SMG6: variants seen among roughly 807,000 people sequenced by gnomAD.
SMG6 encodes the protein SMG6 nonsense mediated mRNA decay factor.
SMG6 carries 66 observed loss-of-function variants against 142.2 expected under a neutral mutation model. That is an observed-to-expected ratio of 0.46 (90% CI 0.38 to 0.57). The LOEUF is 0.57. Ranked by LOEUF, SMG6 falls within the 20% of genes least tolerant of loss-of-function variation. The pLI is 0.00. For synonymous variants in SMG6, 779 were observed against 702.4 expected (o/e 1.11, Z -1.72); for missense variants, 1,793 against 1,832.0 (o/e 0.98, Z 0.39).
In SMG6 at chr17:2,180,807, G is replaced by A. The variant is rs958317589; in HGVS notation, c.3155+5856C>T. 4.6e-5 allele frequency among the ~76,000 whole-genome samples: 7 copies of A among 152,324 alleles called. No homozygotes were observed. The East Asian group carries it at 7.7e-4, about 17-fold the overall frequency. On this transcript the variant is annotated intron_variant, in intron 12 of 18. Coordinates refer to ENST00000263073, the MANE Select transcript of SMG6 (RefSeq NM_017575.5). ...GGACCATTTGGAAGTGGGGTTTCTGGAGGAAAAGCAAAGGAGACTTCCTCT... is the reference window on the plus strand; with the variant it reads ...GGACCATTTGGAAGTGGGGTTTCTGAAGGAAAAGCAAAGGAGACTTCCTCT...
At chr17:2,079,598 C>T (rs1173406864) in intron 15 of SMG6, among the ~76,000 whole-genome samples, 3 of 149,238 alleles carry the variant, frequency 2.0e-5, no homozygotes, top group Admixed American at 2.0e-4. Context: ...ATCACGACAG[C>T]GAGACTCCAT....
intron 10 of SMG6, among the ~76,000 whole-genome samples, chr17:2,219,322 T>C (rs1597628939): frequency 6.6e-6 from 1 of 151,708 alleles, no homozygotes; most frequent in South Asian, 2.1e-4. Context: ...GAGGTGGAGG[T>C]TGCAGTGAGC....
intron 1 of SMG6, 85 bp downstream of exon 1, chr17:2,303,548 A>C (rs2075338039): frequency 2.2e-6 from 3 of 1,342,486 alleles, no homozygotes; most frequent in African/African-American, 3.1e-5. Flanking sequence ...TCCGGAGCCG[A>C]GGGCCGAGCG....
intron 13 of SMG6, among the ~76,000 whole-genome samples, chr17:2,107,183 G>C (rs2069178704): frequency 6.6e-6 from 1 of 152,150 alleles, no homozygotes; most frequent in Non-Finnish European, 1.5e-5. Context: ...ATAGGCATGT[G>C]AAGTTCCCTG....
At chr17:2,129,898 T>C (rs1395055760) in intron 13 of SMG6, among the ~76,000 whole-genome samples, 1 of 151,674 alleles carries the variant, frequency 6.6e-6, no homozygotes, top group East Asian at 1.9e-4. Flanking sequence ...GAATTTCTAT[T>C]ATTATGGTTA....
At chr17:2,180,930 C>T (rs1393541619) in intron 12 of SMG6, among the ~76,000 whole-genome samples, 5 of 152,096 alleles carry the variant, frequency 3.3e-5, no homozygotes, top group Non-Finnish European at 5.9e-5. Flanking sequence ...GAAAGCATGC[C>T]AAGAAGGGGC....
chr17:2,191,582 C>G (rs1037523581), intron 10 of SMG6, among the ~76,000 whole-genome samples: 4 of 152,292 alleles, frequency 2.6e-5, no homozygotes, highest in Admixed American at 1.3e-4. Context: ...AAAGCAGAGA[C>G]TTGCTTAAGG....
intron 18 of SMG6, among the ~76,000 whole-genome samples, chr17:2,063,933 T>C (rs2067861192): frequency 6.6e-6 from 1 of 152,208 alleles, no homozygotes; most frequent in East Asian, 1.9e-4. Context: ...CTTTTATCAC[T>C]TTAATGCTCA....
chr17:2,252,051 G>A (rs28584718), intron 8 of SMG6, among the ~76,000 whole-genome samples: 3,618 of 151,242 alleles, frequency 0.024, 145 homozygotes, highest in African/African-American at 0.082. Context: ...AGTGAGCCAA[G>A]ATCGCACCAC....
In SMG6 at chr17:2,200,557, G is replaced by A. The variant is rs372836430; in HGVS notation, c.2870-12042C>T. 3.6e-3 allele frequency among the ~76,000 whole-genome samples: 551 copies of A among 151,814 alleles called. 3 individuals carry two copies. The highest frequency in any genetic ancestry group is 6.6e-3 in the Non-Finnish European group (449 of 67,952). ...AAAAAAAAACTTTTTGTAGAGACAG[G>A]GTCTTGTTTTGTTGACCAAGCTGGT... On this transcript the variant is annotated intron_variant, in intron 10 of 18. Coordinates refer to ENST00000263073, the MANE Select transcript of SMG6 (RefSeq NM_017575.5).
intron 8 of SMG6, among the ~76,000 whole-genome samples, chr17:2,266,718 T>C (rs1017834685): frequency 2.6e-5 from 4 of 152,182 alleles, no homozygotes; most frequent in African/African-American, 9.7e-5. Context: ...AATAAAGCCC[T>C]GAAGTGGTTT....
At chr17:2,266,756 G>A (rs1385548473) in intron 8 of SMG6, among the ~76,000 whole-genome samples, 2 of 152,216 alleles carry the variant, frequency 1.3e-5, no homozygotes, top group African/African-American at 2.4e-5. Flanking sequence ...GGGGCATTAA[G>A]GGTTTATAGG....
At chr17:2,107,169 C>A (rs978794576) in intron 13 of SMG6, among the ~76,000 whole-genome samples, 6 of 152,032 alleles carry the variant, frequency 3.9e-5, no homozygotes, top group African/African-American at 1.2e-4. Context: ...ATGCAGGATT[C>A]CTAATAGGCA....
intron 12 of SMG6, 106 bp from the exon 13 acceptor site, chr17:2,172,965 G>A: frequency 9.0e-7 from 1 of 1,107,362 alleles, no homozygotes; most frequent in South Asian, 1.4e-5. Context: ...ATGTTGTCTA[G>A]GCTGGCATCT....
chr17:2,302,544 AAAT>A (rs1440757820), intron 1 of SMG6, among the ~76,000 whole-genome samples: 6 of 152,248 alleles, frequency 3.9e-5, no homozygotes, highest in Non-Finnish European at 8.8e-5. Context: ...CCGTCTCAAA[AAAT>A]AATAATAACA....
intron 10 of SMG6, chr17:2,215,681 G>C: frequency 6.6e-6 from 1 of 152,032 alleles, no homozygotes; most frequent in Non-Finnish European, 1.5e-5. Flanking sequence ...GGGATCTCAC[G>C]GCCTTCCAAA....
chr17:2,086,988 T>A, intron 13 of SMG6: 5 of 1,285,634 alleles, frequency 3.9e-6, no homozygotes, highest in Non-Finnish European at 5.1e-6. Context: ...AGCCCCTGCC[T>A]CTCTTTTAAT....
chr17:2,081,896 C>T lies in SMG6; in HGVS notation c.3595G>A (p.Glu1199Lys), dbSNP rs754786940. 141 of 1,614,078 alleles carry T rather than the reference C, an allele frequency of 8.7e-5. No homozygotes were observed. Among genetic ancestry groups the T allele is most frequent in the Admixed American group, 1.5e-4 (9 of 60,008 alleles). Residue 1199 changes from glutamate (E) to lysine (K), a missense_variant, in exon 15 of 19, where the codon GAG (glutamate) becomes AAG (lysine). Glu to Lys is a moderately conservative substitution (Grantham distance 56). Around this residue, in one of 3 missense-constraint regions of SMG6, gnomAD observed 1,597 missense variants for 1,584.6 expected, o/e 1.01. Transcript: ENST00000263073. ...GCCCGAAGCTCCCTGATGTCATCCTCGCCTCCGCTGCCTTCAGCCTCTGAA... is the reference window on the plus strand; with the variant it reads ...GCCCGAAGCTCCCTGATGTCATCCTTGCCTCCGCTGCCTTCAGCCTCTGAA... The part of the protein sequence containing the change: ...EDSEAEGSGG[E>K]DDIRELRAKK...
chr17:2,244,183 C>T (rs1248288289), intron 9 of SMG6, among the ~76,000 whole-genome samples: 1 of 152,078 alleles, frequency 6.6e-6, no homozygotes, highest in East Asian at 1.9e-4. Context: ...AGCAATATGG[C>T]AAAGGAATCT....
Sources: gnomAD v4.1 joint callset for allele counts (sites outside exome capture counted in the v4.1 genomes callset) on GRCh38, gnomAD v4.1.1 for gene constraint, gnomAD v4.1.1 regional missense constraint, MANE v1.5 for transcripts, NCBI Gene and HGNC (gene_info 2026-07-23, HGNC 2026-07-21) for gene names.